SNTG2: variants seen among roughly 807,000 people sequenced by gnomAD.
The protein encoded by SNTG2 is gamma-2-syntrophin.
In SNTG2, 74 loss-of-function variants were observed where a neutral mutation model predicts 70.9. The observed-to-expected ratio is 1.04, with a 90% CI of 0.86 to 1.27. SNTG2 has a LOEUF of 1.27. SNTG2 is among the 50% of genes most tolerant of loss of function. The pLI, the probability that SNTG2 is intolerant of heterozygous loss-of-function variation, is 0.00. For synonymous variants in SNTG2, 278 were observed against 273.8 expected, an observed-to-expected ratio of 1.02 and a Z score of -0.15; for missense variants, 717 against 690.7, an observed-to-expected ratio of 1.04 and a Z score of -0.43.
intron 1 of SNTG2, among the ~76,000 whole-genome samples, chr2:957,131 C>T (rs551721645): frequency 3.9e-5 from 6 of 152,230 alleles, no homozygotes; most frequent in South Asian, 2.1e-4. Context: ...ATCCAGAACC[C>T]GATGAGTTAG....
chr2:971,355 C>T (rs937626010), intron 1 of SNTG2, among the ~76,000 whole-genome samples: 3 of 151,960 alleles, frequency 2.0e-5, no homozygotes, highest in African/African-American at 4.8e-5. Flanking sequence ...CTGGTCTGTT[C>T]AGCATTTGAA....
At chr2:1,243,771 G>A (rs554746519) in intron 11 of SNTG2, among the ~76,000 whole-genome samples, 2 of 152,216 alleles carry the variant, frequency 1.3e-5, no homozygotes, top group Non-Finnish European at 2.9e-5. Flanking sequence ...ATGTGAACAC[G>A]TGATTTAAAA....
At chr2:1,223,949 G>C (rs1304852521) in intron 9 of SNTG2, among the ~76,000 whole-genome samples, 1 of 152,176 alleles carries the variant, frequency 6.6e-6, no homozygotes, top group African/African-American at 2.4e-5. Context: ...ACAGATGGGT[G>C]GCCTTATGCA....
At chr2:1,225,606 G>A (rs1164898936) in intron 9 of SNTG2, among the ~76,000 whole-genome samples, 2 of 152,120 alleles carry the variant, frequency 1.3e-5, no homozygotes, top group African/African-American at 2.4e-5. Context: ...ATTGACGGGC[G>A]GCTCTTTGAG....
At chr2:1,130,149 G>C (rs1470971222) in intron 4 of SNTG2, among the ~76,000 whole-genome samples, 1 of 152,158 alleles carries the variant, frequency 6.6e-6, no homozygotes, top group East Asian at 1.9e-4. Flanking sequence ...CTGAGTCTGT[G>C]AGTCTCTGGC....
intron 2 of SNTG2, among the ~76,000 whole-genome samples, chr2:1,086,329 T>C (rs375088733): frequency 6.6e-6 from 1 of 152,320 alleles, no homozygotes; most frequent in African/African-American, 2.4e-5. Context: ...TCTGTCTCTC[T>C]CTCTCCTGCA....
In SNTG2 at chr2:957,071, T is replaced by C. The variant is rs77481444; in HGVS notation, c.72+6003T>C. Reference sequence around the variant, plus strand: ...TGCCTTTTTACATGATTAAGTTTTCTTTATGTACTGAGAAATATGAAATTA... The same window carrying C: ...TGCCTTTTTACATGATTAAGTTTTCCTTATGTACTGAGAAATATGAAATTA... On this transcript the variant is annotated intron_variant, in intron 1 of 16. Transcript: ENST00000308624. Among the ~76,000 whole-genome samples the C allele has an allele frequency of 1.5e-4, 23 of 152,252 alleles. 1 individual carries two copies. The highest frequency in any genetic ancestry group is 9.2e-4 in the Admixed American group (14 of 15,292).
intron 4 of SNTG2, among the ~76,000 whole-genome samples, chr2:1,130,204 G>C (rs983765460): frequency 2.6e-5 from 4 of 152,144 alleles, no homozygotes; most frequent in Non-Finnish European, 5.9e-5. Context: ...CACTCATCAT[G>C]GACATGGACA....
intron 1 of SNTG2, among the ~76,000 whole-genome samples, chr2:979,455 C>T (rs912715300): frequency 3.9e-5 from 6 of 152,024 alleles, no homozygotes; most frequent in Admixed American, 2.0e-4. Flanking sequence ...GGAGCTTGCC[C>T]GTCGGGCTGT....
intron 9 of SNTG2, among the ~76,000 whole-genome samples, chr2:1,228,514 C>T (rs1265456759): frequency 6.6e-6 from 1 of 152,246 alleles, no homozygotes; most frequent in Admixed American, 6.5e-5. Flanking sequence ...CTTTTATCAA[C>T]AGATCTCAAC....
chr2:1,237,814 C>T, intron 9 of SNTG2, 74 bp from the exon 10 acceptor site: 1 of 1,521,576 alleles, frequency 6.6e-7, no homozygotes, highest in Non-Finnish European at 8.8e-7. Flanking sequence ...TGCTGAGCAT[C>T]AGCCTCGAAA....
chr2:1,084,052 GA>G (rs1221850310), intron 2 of SNTG2, among the ~76,000 whole-genome samples: 1 of 151,814 alleles, frequency 6.6e-6, no homozygotes, highest in African/African-American at 2.4e-5. Context: ...AAAAAAAAAG[GA>G]AAAAAAGAAA....
intron 2 of SNTG2, among the ~76,000 whole-genome samples, chr2:1,096,205 T>G (rs556194282): frequency 6.6e-6 from 1 of 152,192 alleles, no homozygotes; most frequent in Non-Finnish European, 1.5e-5. Flanking sequence ...TCAGCTTTAT[T>G]GAGCTACAAC....
intron 4 of SNTG2, among the ~76,000 whole-genome samples, chr2:1,115,003 T>C (rs62107416): frequency 0.035 from 5,323 of 151,912 alleles, 197 homozygotes; most frequent in South Asian, 0.19. Context: ...CTTACAGTCC[T>C]TTGAGGAGGA....
chr2:1,306,559 A>C (rs1286587736), intron 14 of SNTG2, among the ~76,000 whole-genome samples: 1 of 152,180 alleles, frequency 6.6e-6, no homozygotes, highest in Non-Finnish European at 1.5e-5. Context: ...GGGACAGTGG[A>C]GGTCTTGTCA....
At chr2:1,361,267 T>A (rs774431326) in intron 16 of SNTG2, among the ~76,000 whole-genome samples, 3 of 152,114 alleles carry the variant, frequency 2.0e-5, no homozygotes, top group Non-Finnish European at 4.4e-5. Context: ...AAAATTTACA[T>A]TACAATGATT....
At chr2:1,262,499 A>T (rs1678465379) in intron 13 of SNTG2, among the ~76,000 whole-genome samples, 1 of 152,086 alleles carries the variant, frequency 6.6e-6, no homozygotes, top group Non-Finnish European at 1.5e-5. Flanking sequence ...CAGAGAAAGA[A>T]CATACAATAA....
At chr2:1,156,953 C>T (rs1249903202) in intron 6 of SNTG2, among the ~76,000 whole-genome samples, 1 of 152,106 alleles carries the variant, frequency 6.6e-6, no homozygotes, top group African/African-American at 2.4e-5. Flanking sequence ...CCAATCTGGG[C>T]ATCTTAAACT....
chr2:974,416 C>T (rs906533441), intron 1 of SNTG2, among the ~76,000 whole-genome samples: 4 of 152,206 alleles, frequency 2.6e-5, no homozygotes, highest in African/African-American at 4.8e-5. Context: ...GCTTGGTTTT[C>T]CTGATCCTGC....
Sources: gnomAD v4.1 joint callset for allele counts (sites outside exome capture counted in the v4.1 genomes callset) on GRCh38, gnomAD v4.1.1 for gene constraint, MANE v1.5 for transcripts, NCBI Gene and HGNC (gene_info 2026-07-23, HGNC 2026-07-21) for gene names.